The following FAM114A1 variants were observed in gnomAD, a reference collection of about 807,000 sequenced individuals.
The protein encoded by FAM114A1 is family with sequence similarity 114 member A1.
Under a neutral mutation model 64.3 loss-of-function variants are expected in FAM114A1, and 62 were observed. That is an observed-to-expected ratio of 0.96 (90% CI 0.79 to 1.19). The LOEUF (loss-of-function observed/expected upper bound fraction) is 1.19. Ranked by LOEUF, FAM114A1 falls within the 50% of genes most tolerant of loss-of-function variation. The pLI is 0.00. For synonymous variants in FAM114A1, 254 were observed against 251.1 expected (o/e 1.01, Z -0.11); for missense variants, 645 against 676.3 (o/e 0.95, Z 0.51).
intron 2 of FAM114A1, among the ~76,000 whole-genome samples, 186 bp downstream of exon 2, chr4:38,868,732 G>A (rs1713717692): frequency 6.6e-6 from 1 of 152,172 alleles, no homozygotes; most frequent in Non-Finnish European, 1.5e-5. Context: ...TGAACTCCCT[G>A]TGACCTCAGC....
Position 38,944,055 on chromosome 4 carries a change from A to C in FAM114A1, c.*498A>C, listed in dbSNP as rs1324334454. 2 of 150,870 alleles carry C rather than the reference A, an allele frequency of 1.3e-5. No individual in the cohort carries two copies. The highest frequency in any genetic ancestry group is 2.9e-5 in the Non-Finnish European group (2 of 68,172). The allele number at this position is 150,870 out of a possible 1,614,324, so 9.3% of individuals were successfully genotyped here. A position where few individuals can be genotyped will look rare whatever the true frequency, so the allele number is the denominator to read the frequency against. On this transcript the variant is annotated 3_prime_UTR_variant, in exon 15 of 15. Coordinates refer to ENST00000358869, the MANE Select transcript of FAM114A1 (RefSeq NM_138389.4). The stretch of plus-strand genomic sequence containing the variant: ...TTACCTATTATGGTAAAAAATAGGA[A>C]CATATTGTCATTCTTTTTTTTTTTT...
rs1009953540 is a variant in FAM114A1 at position 38,923,036 on chromosome 4, T to A, written c.1069+143T>A. ...AAAAGACACTGTGCATCTGCTCTTG[T>A]TACAGGAGCTGGTCACATTGATTTA... On this transcript the variant is annotated intron_variant, in intron 9 of 14. Transcript: ENST00000358869. 1.1e-5 allele frequency: 11 copies of A among 976,068 alleles called. No homozygotes were observed. In the Admixed American group the frequency reaches 1.3e-4, roughly 11 times the overall value. The allele number at this position is 976,068 out of a possible 1,614,324, so 60.5% of individuals were successfully genotyped here.
At chr4:38,891,889 G>A (rs1389812428) in intron 4 of FAM114A1, 59 bp downstream of exon 4, 23 of 1,478,540 alleles carry the variant, frequency 1.6e-5, no homozygotes, top group East Asian at 4.7e-5. Context: ...AGGATAGGAC[G>A]TTTTGATCGT....
At chr4:38,902,131 A>G (rs1200204831) in intron 4 of FAM114A1, among the ~76,000 whole-genome samples, 2 of 152,228 alleles carry the variant, frequency 1.3e-5, no homozygotes, top group Non-Finnish European at 2.9e-5. Context: ...CTGAGTTGGA[A>G]TCCTGCCTTT....
At chr4:38,931,087 T>A (rs546085756) in intron 10 of FAM114A1, among the ~76,000 whole-genome samples, 2 of 152,306 alleles carry the variant, frequency 1.3e-5, no homozygotes, top group East Asian at 3.8e-4. Context: ...CACATATTTT[T>A]AAAAATACTA....
rs112934327 is a variant in FAM114A1 at position 38,908,938 on chromosome 4, A to G, written c.792+212A>G. 4.6e-3 allele frequency among the ~76,000 whole-genome samples: 693 copies of G among 152,304 alleles called. 5 individuals carry two copies. The highest frequency in any genetic ancestry group is 0.016 in the African/African-American group (660 of 41,556). On this transcript the variant is annotated intron_variant, in intron 7 of 14. Transcript: ENST00000358869. ...CAGTTAACAGTTCCTTAAGGATTCT[A>G]TCAGAGACCGCAGAGAGATATGGAT...
Position 38,867,821 on chromosome 4 carries a change from C to G in FAM114A1, c.-171C>G, listed in dbSNP as rs908081172. On this transcript the variant is annotated 5_prime_UTR_variant, in exon 1 of 15. Coordinates refer to ENST00000358869, the MANE Select transcript of FAM114A1 (RefSeq NM_138389.4). ...CCCGCTGGGCACTCCCGCGCGTACT[C>G]GGCCGCCTGAGCGGTAAGAGCCCCG... The G allele has an allele frequency of 6.5e-6, 1 of 153,280 alleles. No homozygotes were observed. The highest frequency in any genetic ancestry group is 2.4e-5 in the African/African-American group (1 of 41,438). The allele number at this position is 153,280 out of a possible 1,614,324, so 9.5% of individuals were successfully genotyped here. A position where few individuals can be genotyped will look rare whatever the true frequency, so the allele number is the denominator to read the frequency against.
intron 13 of FAM114A1, among the ~76,000 whole-genome samples, chr4:38,936,984 C>A (rs908213425): frequency 2.6e-5 from 4 of 152,166 alleles, no homozygotes; most frequent in African/African-American, 7.2e-5. Flanking sequence ...GAGGTATGGC[C>A]TCTGGTTATT....
intron 4 of FAM114A1, among the ~76,000 whole-genome samples, chr4:38,903,174 C>T (rs1717670131): frequency 6.6e-6 from 1 of 152,030 alleles, no homozygotes. Context: ...ATAGATAGAT[C>T]CCATTTACAT....
intron 13 of FAM114A1, among the ~76,000 whole-genome samples, chr4:38,939,157 C>T (rs1721370842): frequency 6.6e-6 from 1 of 152,166 alleles, no homozygotes; most frequent in South Asian, 2.1e-4. Context: ...GATGGCTGTG[C>T]ACTTGAACTT....
At chr4:38,912,057 C>T (rs1281946456) in intron 7 of FAM114A1, among the ~76,000 whole-genome samples, 2 of 151,812 alleles carry the variant, frequency 1.3e-5, no homozygotes, top group South Asian at 2.1e-4. Flanking sequence ...GACGGGGTTT[C>T]ACCATGTTGG....
chr4:38,932,422 G>T, intron 12 of FAM114A1, 48 bp downstream of exon 12: 1 of 1,527,948 alleles, frequency 6.5e-7, no homozygotes, highest in Non-Finnish European at 8.8e-7. Context: ...TTTATATATA[G>T]GTACCATTCA....
intron 2 of FAM114A1, among the ~76,000 whole-genome samples, chr4:38,869,753 A>G (rs184897009): frequency 6.6e-6 from 1 of 151,664 alleles, no homozygotes; most frequent in African/African-American, 2.4e-5. Context: ...ATGACCTCAC[A>G]CAGGATATCA....
intron 4 of FAM114A1, among the ~76,000 whole-genome samples, chr4:38,897,475 C>G (rs927838014): frequency 6.6e-6 from 1 of 152,174 alleles, no homozygotes; most frequent in African/African-American, 2.4e-5. Flanking sequence ...AGTGACCTTC[C>G]TAATGCTTAT....
intron 2 of FAM114A1, 68 bp from the exon 3 acceptor site, chr4:38,878,003 A>T: frequency 7.5e-7 from 1 of 1,331,586 alleles, no homozygotes. Flanking sequence ...AGATTTATTT[A>T]TCCAGGGCTT....
chr4:38,896,891 C>T (rs1579328075), intron 4 of FAM114A1, among the ~76,000 whole-genome samples: 1 of 152,158 alleles, frequency 6.6e-6, no homozygotes, highest in South Asian at 2.1e-4. Flanking sequence ...GATGTCTACT[C>T]AGAAACCTCA....
intron 6 of FAM114A1, among the ~76,000 whole-genome samples, chr4:38,907,903 G>C (rs754913726): frequency 1.3e-5 from 2 of 152,068 alleles, no homozygotes; most frequent in Non-Finnish European, 2.9e-5. Context: ...AGTAAGTCTG[G>C]GTTATTTTAA....
intron 3 of FAM114A1, among the ~76,000 whole-genome samples, chr4:38,880,882 T>C (rs1355933688): frequency 6.6e-6 from 1 of 152,180 alleles, no homozygotes; most frequent in East Asian, 1.9e-4. Flanking sequence ...AACAGGACTG[T>C]TCATGAAGAT....
At chr4:38,919,105 A>T (rs963828040) in intron 8 of FAM114A1, among the ~76,000 whole-genome samples, 2 of 151,948 alleles carry the variant, frequency 1.3e-5, no homozygotes, top group Admixed American at 1.3e-4. Flanking sequence ...GTGAGCCGAG[A>T]TCACACCACT....
Sources: gnomAD v4.1 joint callset for allele counts (sites outside exome capture counted in the v4.1 genomes callset) on GRCh38, gnomAD v4.1.1 for gene constraint, MANE v1.5 for transcripts, NCBI Gene and HGNC (gene_info 2026-07-23, HGNC 2026-07-21) for gene names.